Variants in JPH3 observed in about 807,000 individuals in gnomAD.
JPH3 encodes the protein junctophilin 3, also known as junctophilin-3.
A neutral mutation model predicts 59.6 loss-of-function variants in JPH3; 11 were observed. The ratio of observed to expected loss-of-function variants is 0.18; its 90% confidence interval spans 0.12 to 0.31. The LOEUF is 0.31. Among genes scored for constraint, JPH3 ranks in the 10% least tolerant of loss-of-function variants. The probability of loss-of-function intolerance (pLI) is 1.00; values close to 1 mark genes in which losing one functional copy is unlikely to be tolerated. For missense variants in JPH3, 1,202 were observed against 1,105.7 expected (o/e 1.09, Z -1.24); for synonymous variants, 673 against 483.6 (o/e 1.39, Z -5.14).
chr16:87,684,411 C>G (rs2033367841), intron 3 of JPH3, 145 bp downstream of exon 3: 9 of 1,337,950 alleles, frequency 6.7e-6, no homozygotes, highest in Middle Eastern at 2.5e-4. Flanking sequence ...GTCTTCCTCT[C>G]CCGCCGAAGG....
At position 87,689,938 on chromosome 16, in the gene JPH3, C is replaced by T. The variant is rs541878565; in HGVS notation, c.1578C>T (p.Cys526=). The T allele has an allele frequency of 2.5e-4, 359 of 1,448,722 alleles. 1 individual carries two copies. The South Asian group carries it at 4.7e-3, about 19-fold the overall frequency. 89.7% of individuals were successfully genotyped at this position (1,448,722 alleles called of 1,614,324 possible). ...TCCTGGAGGGCCGGGCCGGGGACTG[C>T]GCCCGCAGCAGCTGGGGCGAGGAGC... ...QMLLEGRAGD[C]ARSSWGEEQA... The change falls in exon 4 of 5, where the codon TGC becomes TGT. Residue 526 remains cysteine, a synonymous_variant. Transcript: ENST00000284262.
chr16:87,684,626 A>G (rs1469518028), intron 3 of JPH3: 2 of 260,682 alleles, frequency 7.7e-6, no homozygotes, highest in African/African-American at 2.2e-5. Flanking sequence ...TGATGGAACT[A>G]TCTGCTGGGT....
At chr16:87,607,492 A>T (rs541153394) in intron 1 of JPH3, among the ~76,000 whole-genome samples, 47 of 152,242 alleles carry the variant, frequency 3.1e-4, no homozygotes, top group African/African-American at 1.1e-3. Flanking sequence ...GACATTTTCC[A>T]CCCCGTCCCC....
At chr16:87,663,106 A>AATTT (rs2032756466) in intron 2 of JPH3, among the ~76,000 whole-genome samples, 1 of 132,618 alleles carries the variant, frequency 7.5e-6, no homozygotes, top group East Asian at 2.1e-4. Flanking sequence ...TTTCAAGGTT[A>AATTT]ATTTCTTTCT....
chr16:87,605,198 C>T (rs1034867958), intron 1 of JPH3, among the ~76,000 whole-genome samples: 12 of 152,194 alleles, frequency 7.9e-5, no homozygotes, highest in Non-Finnish European at 1.3e-4. Flanking sequence ...CGGGCTCACG[C>T]AGGGCATGGG....
intron 2 of JPH3, among the ~76,000 whole-genome samples, chr16:87,665,410 A>G (rs975164431): frequency 1.3e-5 from 2 of 152,124 alleles, no homozygotes; most frequent in Admixed American, 1.3e-4. Flanking sequence ...TGACCTGCTG[A>G]CCCCGGACCC....
At chr16:87,652,322 C>G (rs564584191) in intron 2 of JPH3, among the ~76,000 whole-genome samples, 3 of 152,338 alleles carry the variant, frequency 2.0e-5, no homozygotes, top group Admixed American at 6.5e-5. Context: ...CGCTGATCAC[C>G]CACAGCCAAG....
At position 87,696,855 on chromosome 16, in the gene JPH3, CA is replaced by C; in HGVS notation, c.*199del. ...TGGGTAATGTTTTTTGGATTTTAGC[CA>C]AAATTCTTTGCTTGTATAACACTCT... On this transcript the variant is annotated 3_prime_UTR_variant, in exon 5 of 5. Transcript: ENST00000284262. 1.7e-6 allele frequency: 1 copy of C among 595,888 alleles called. No individual in the cohort carries two copies. Among genetic ancestry groups the C allele is most frequent in the South Asian group, 2.0e-5 (1 of 50,630 alleles). The allele number at this position is 595,888 out of a possible 1,614,324, so 36.9% of individuals were successfully genotyped here.
chr16:87,696,007 G>A (rs1361315670), intron 4 of JPH3: 4 of 456,102 alleles, frequency 8.8e-6, no homozygotes, highest in South Asian at 6.2e-5. Context: ...CTCGCAATTG[G>A]ACACAGTCCT....
At chr16:87,651,467 C>G (rs2150850904) in intron 2 of JPH3, among the ~76,000 whole-genome samples, 1 of 152,330 alleles carries the variant, frequency 6.6e-6, no homozygotes, top group Non-Finnish European at 1.5e-5. Flanking sequence ...AAAGGATTCA[C>G]CATTCTAGAT....
At chr16:87,616,045 G>A (rs1428619290) in intron 1 of JPH3, among the ~76,000 whole-genome samples, 1 of 152,164 alleles carries the variant, frequency 6.6e-6, no homozygotes, top group African/African-American at 2.4e-5. Flanking sequence ...TGTTCAGAGA[G>A]CCCTGTGGCT....
At chr16:87,664,015 C>T (rs1030910806) in intron 2 of JPH3, among the ~76,000 whole-genome samples, 6 of 152,136 alleles carry the variant, frequency 3.9e-5, no homozygotes, top group Admixed American at 1.3e-4. Flanking sequence ...AGGAAATATG[C>T]GCTGAAGTAC....
chr16:87,646,670 T>C (rs193100412), intron 2 of JPH3, among the ~76,000 whole-genome samples: 7 of 152,316 alleles, frequency 4.6e-5, no homozygotes, highest in African/African-American at 1.7e-4. Context: ...TTCTATTTTG[T>C]ATAGTTGCTT....
intron 3 of JPH3, 65 bp from the exon 4 acceptor site, chr16:87,689,581 A>T (rs1320417324): frequency 6.5e-7 from 1 of 1,534,488 alleles, no homozygotes; most frequent in African/African-American, 1.4e-5. Context: ...TGGCCCGGGG[A>T]CCGCGGCCTC....
At chr16:87,643,403 C>T (rs1301478602) in intron 1 of JPH3, among the ~76,000 whole-genome samples, 22 of 141,242 alleles carry the variant, frequency 1.6e-4, no homozygotes, top group African/African-American at 5.6e-4. Flanking sequence ...CTGGGGATAT[C>T]AGGTCTGCTG....
chr16:87,667,237 C>T (rs1245174547), intron 2 of JPH3, among the ~76,000 whole-genome samples: 1 of 152,248 alleles, frequency 6.6e-6, no homozygotes, highest in African/African-American at 2.4e-5. Flanking sequence ...TAGGGCCCAC[C>T]TGTATAACCG....
At chr16:87,661,946 A>C (rs890817259) in intron 2 of JPH3, among the ~76,000 whole-genome samples, 1 of 152,210 alleles carries the variant, frequency 6.6e-6, no homozygotes, top group Non-Finnish European at 1.5e-5. Flanking sequence ...ACTACTCCTG[A>C]GTGGCAGTTG....
At chr16:87,675,364 ACCCCGTCCAGACCAGCCT>A (rs1045738916) in intron 2 of JPH3, among the ~76,000 whole-genome samples, 20 of 151,956 alleles carry the variant, frequency 1.3e-4, no homozygotes, top group Middle Eastern at 3.4e-3. Context: ...TGCTCCAGTG[ACCCCGTCCAGACCAGCCT>A]CCCCGTCCAG....
At chr16:87,646,914 G>T (rs1428984630) in intron 2 of JPH3, among the ~76,000 whole-genome samples, 1 of 152,160 alleles carries the variant, frequency 6.6e-6, no homozygotes, top group Non-Finnish European at 1.5e-5. Context: ...TGCGACCTGA[G>T]ATAGTTTTCA....
Sources: allele counts gnomAD v4.1 joint callset (sites outside exome capture counted in the v4.1 genomes callset), GRCh38; gene constraint gnomAD v4.1.1; transcripts MANE v1.5; gene names NCBI Gene and HGNC (gene_info 2026-07-23, HGNC 2026-07-21).